Variants in COL5A1 observed in about 807,000 individuals in gnomAD.
COL5A1 encodes the protein collagen type V alpha 1 chain.
Under a neutral mutation model 263.7 loss-of-function variants are expected in COL5A1, and 16 were observed. The observed-to-expected ratio is 0.06, with a 90% CI of 0.04 to 0.09. The LOEUF is 0.09. COL5A1 is among the 10% of genes least tolerant of loss of function. The pLI is 1.00. For missense variants in COL5A1, 2,036 were observed against 2,540.5 expected (o/e 0.80, Z 4.27); for synonymous variants, 1,012 against 1,004.5 (o/e 1.01, Z -0.14).
intron 24 of COL5A1, among the ~76,000 whole-genome samples, 191 bp from the exon 25 acceptor site, chr9:134,768,219 A>AC (rs1836744542): frequency 6.6e-6 from 1 of 152,224 alleles, no homozygotes. Flanking sequence ...GGTGCTGAGA[A>AC]CAGTGGAGCC....
At chr9:134,654,721 A>AGG (rs1831873747) in intron 1 of COL5A1, among the ~76,000 whole-genome samples, 1 of 65,264 alleles carries the variant, frequency 1.5e-5, no homozygotes. Flanking sequence ...GTAGGGCTGT[A>AGG]GATGTGTAGG....
intron 1 of COL5A1, among the ~76,000 whole-genome samples, chr9:134,674,331 C>T (rs922980333): frequency 3.9e-5 from 6 of 151,976 alleles, no homozygotes; most frequent in Admixed American, 2.0e-4. Context: ...CATGAGTGCC[C>T]GAACAGGGTG....
At chr9:134,813,490 A>G (rs1209546964) in intron 48 of COL5A1, among the ~76,000 whole-genome samples, 2 of 152,236 alleles carry the variant, frequency 1.3e-5, no homozygotes, top group African/African-American at 4.8e-5. Context: ...CCACAGGGTG[A>G]TGGTGTGCGG....
intron 4 of COL5A1, among the ~76,000 whole-genome samples, chr9:134,719,674 C>G (rs1038577180): frequency 6.6e-6 from 1 of 152,216 alleles, no homozygotes; most frequent in East Asian, 1.9e-4. Context: ...ACATCATGCT[C>G]CATATCCTGG....
chr9:134,738,213 T>TTGCGGCGCTGGTCTTG (rs1489608023), intron 9 of COL5A1, among the ~76,000 whole-genome samples: 1 of 152,182 alleles, frequency 6.6e-6, no homozygotes, highest in Non-Finnish European at 1.5e-5. Flanking sequence ...CAGGTGCTTC[T>TTGCGGCGCTGGTCTTG]CGTGGCGCTG....
intron 18 of COL5A1, among the ~76,000 whole-genome samples, chr9:134,759,272 A>ACACACATGCACACACAC (rs1491274525): frequency 0.056 from 6,815 of 122,734 alleles, 241 homozygotes; most frequent in African/African-American, 0.11. Flanking sequence ...ACACACTCAT[A>ACACACATGCACACACAC]CACACATGCA....
chr9:134,710,339 C>T (rs1370927553), intron 4 of COL5A1, among the ~76,000 whole-genome samples: 1 of 152,262 alleles, frequency 6.6e-6, no homozygotes, highest in Non-Finnish European at 1.5e-5. Flanking sequence ...GCATCGCCGT[C>T]AGTGCCGTTA....
chr9:134,760,682 C>A, intron 18 of COL5A1, among the ~76,000 whole-genome samples: 1 of 139,292 alleles, frequency 7.2e-6, no homozygotes, highest in East Asian at 2.3e-4. Flanking sequence ...GCACACCCCC[C>A]ACACTCATAC....
intron 41 of COL5A1, among the ~76,000 whole-genome samples, chr9:134,805,616 C>T (rs900003987): frequency 2.6e-5 from 4 of 152,180 alleles, no homozygotes; most frequent in Admixed American, 6.5e-5. Flanking sequence ...CTGCCCACGG[C>T]GGGGGCCCAC....
intron 11 of COL5A1, among the ~76,000 whole-genome samples, chr9:134,743,557 A>C (rs1835368315): frequency 6.6e-6 from 1 of 152,182 alleles, no homozygotes; most frequent in Non-Finnish European, 1.5e-5. Flanking sequence ...CAGCCGCCTC[A>C]GGGTCAGAGT....
intron 2 of COL5A1, among the ~76,000 whole-genome samples, chr9:134,694,499 C>G (rs750933820): frequency 2.0e-5 from 3 of 152,236 alleles, no homozygotes; most frequent in Non-Finnish European, 4.4e-5. Flanking sequence ...AGGGGCACCG[C>G]CCTCCCTTCT....
chr9:134,766,734 G>A lies in COL5A1; in HGVS notation c.2133+236G>A, dbSNP rs10125222. ...ATCATTTCTGGTCAGTTCCTCTCAC[G>A]TGTTCCTTCCTGGTCGGATGTCTGG... On this transcript the variant is annotated intron_variant, in intron 22 of 65. Transcript: ENST00000371817. Among the ~76,000 whole-genome samples, 7,301 of 152,268 alleles carry A rather than the reference G, an allele frequency of 0.048. 523 individuals carry two copies. Among genetic ancestry groups the A allele is most frequent in the African/African-American group, 0.16 (6,525 of 41,530 alleles).
rs745396706 is a variant in COL5A1, at chr9:134,795,063, G to GC, written c.2701-15dup. 6.2e-7 allele frequency: 1 copy of GC among 1,613,630 alleles called. No individual in the cohort carries two copies. The highest frequency in any genetic ancestry group is 8.5e-7 in the Non-Finnish European group (1 of 1,179,652). ...CGGGCATTTAGAGAGTGACTGACCA[G>GC]CCCCTTCTCTGATTCTAGGGGACCC... On this transcript the variant is annotated intron_variant, in intron 32 of 65. Transcript: ENST00000371817.
chr9:134,685,887 C>A (rs910313015), intron 1 of COL5A1, among the ~76,000 whole-genome samples: 3 of 150,830 alleles, frequency 2.0e-5, no homozygotes, highest in Non-Finnish European at 4.4e-5. Flanking sequence ...ATCCATCCAC[C>A]CACCCATCCA....
At chr9:134,740,407 C>T (rs1192064409) in intron 11 of COL5A1, among the ~76,000 whole-genome samples, 1 of 152,188 alleles carries the variant, frequency 6.6e-6, no homozygotes, top group Non-Finnish European at 1.5e-5. Context: ...GAGCTGCCTG[C>T]GGATGGGTCC....
chr9:134,773,005 C>A (rs574558682), intron 26 of COL5A1, among the ~76,000 whole-genome samples, 171 bp downstream of exon 26: 16 of 152,164 alleles, frequency 1.1e-4, no homozygotes, highest in Admixed American at 3.3e-4. Flanking sequence ...GGGACACAGG[C>A]CTTTTCCCCA....
chr9:134,727,342 G>A lies in COL5A1; in HGVS notation c.731G>A (p.Cys244Tyr), dbSNP rs777671838. The change falls in exon 5 of 66, where the codon TGT becomes TAT. Residue 244 changes from cysteine (C) to tyrosine (Y), a missense_variant. By Grantham distance (194) the Cys-to-Tyr change is radical. This residue lies in a region of COL5A1 where 600 missense variants were observed against 634.5 expected (regional missense o/e 0.95). Transcript: ENST00000371817. ...TACTGTGAGCACTACAGCCCTGACT[G>A]TGACACCGCAGTACCTGACACCCCA... Reference protein sequence around the residue: ...YDYCEHYSPDCDTAVPDTPQS... With the variant: ...YDYCEHYSPDYDTAVPDTPQS... 1 of 1,614,026 alleles carries A rather than the reference G, an allele frequency of 6.2e-7. No homozygotes were observed. The highest frequency in any genetic ancestry group is 2.2e-5 in the East Asian group (1 of 44,874).
chr9:134,666,902 G>A (rs1250663483), intron 1 of COL5A1, among the ~76,000 whole-genome samples: 3 of 152,186 alleles, frequency 2.0e-5, no homozygotes, highest in Non-Finnish European at 2.9e-5. Context: ...CGGTATACAT[G>A]TTGAGCTGCC....
At chr9:134,659,117 G>A (rs571927762) in intron 1 of COL5A1, among the ~76,000 whole-genome samples, 121 of 152,332 alleles carry the variant, frequency 7.9e-4, no homozygotes, top group African/African-American at 2.6e-3. Flanking sequence ...TTTGAGGCCG[G>A]GTGTGGTGGC....
Sources: gnomAD v4.1 joint callset for allele counts (sites outside exome capture counted in the v4.1 genomes callset) on GRCh38, gnomAD v4.1.1 for gene constraint, gnomAD v4.1.1 regional missense constraint, MANE v1.5 for transcripts, NCBI Gene and HGNC (gene_info 2026-07-23, HGNC 2026-07-21) for gene names.